The following TET1 variants were observed in gnomAD, a reference collection of about 807,000 sequenced individuals.
TET1 encodes tet methylcytosine dioxygenase 1.
A neutral mutation model predicts 148.7 loss-of-function variants in TET1; 13 were observed. The ratio of observed to expected loss-of-function variants is 0.09; its 90% CI spans 0.06 to 0.14. The LOEUF (loss-of-function observed/expected upper bound fraction) is 0.14, where lower values mean the gene tolerates loss of function less well. TET1 is among the 10% of genes least tolerant of loss of function. TET1 has a pLI of 1.00. For synonymous variants in TET1, 907 were observed against 937.2 expected (o/e 0.97, Z 0.59); for missense variants, 2,182 against 2,553.8 (o/e 0.85, Z 3.14).
intron 3 of TET1, among the ~76,000 whole-genome samples, chr10:68,627,763 C>A (rs11816072): frequency 0.33 from 48,443 of 148,662 alleles, 8,591 homozygotes; most frequent in Non-Finnish European, 0.4. Flanking sequence ...CCGTCTCTAC[C>A]AAAAAAATAA....
rs114779544 is a variant in TET1 at position 68,572,514 on chromosome 10, A to G, written c.176A>G (p.Lys59Arg). The G allele has an allele frequency of 7.8e-5, 126 of 1,613,558 alleles. No individual in the cohort carries two copies. The African/African-American group carries it at 1.4e-3, about 18-fold the overall frequency. Residue 59 changes from lysine (K) to arginine (R), a missense_variant, in exon 2 of 12, where the codon AAG becomes AGG. By Grantham distance (26) the Lys-to-Arg change is conservative (BLOSUM62 2). Around this residue, in one of 11 missense-constraint regions of TET1, gnomAD observed 665 missense variants for 672.4 expected, o/e 0.99. Transcript: ENST00000373644. ...LKQLIQERDV[K>R]KKTEPKPPVP... ...CAATTAATTCAAGAAAGAGATGTTA[A>G]GAAAAAAACAGAACCTAAACCACCC...
In TET1 at chr10:68,646,575, T is replaced by C. The variant is rs774797616; in HGVS notation, c.3846T>C (p.Tyr1282=). ...GGAAGGCATTCACTGATAAAGCTTA[T>C]AATTCTCAGGTACAGTTAACGGTGA... The part of the protein sequence containing the change: ...SNGKAFTDKA[Y]NSQVQLTVNA... The change falls in exon 4 of 12, where the codon TAT becomes TAC. Residue 1282 remains tyrosine, a synonymous_variant. Coordinates refer to ENST00000373644, the MANE Select transcript of TET1 (RefSeq NM_030625.3). 1 of 1,614,210 alleles carries C rather than the reference T, an allele frequency of 6.2e-7. No individual in the cohort carries two copies. The highest frequency in any genetic ancestry group is 8.5e-7 in the Non-Finnish European group (1 of 1,180,056).
intron 2 of TET1, among the ~76,000 whole-genome samples, chr10:68,578,461 G>A (rs111911118): frequency 0.29 from 44,194 of 151,862 alleles, 7,722 homozygotes; most frequent in Middle Eastern, 0.43. Flanking sequence ...GTTTCACCAC[G>A]TTGGCCAGCC....
intron 1 of TET1, among the ~76,000 whole-genome samples, chr10:68,569,162 G>GTTTTTTTTTTTTTTT (rs1362900985): frequency 9.0e-5 from 11 of 122,354 alleles, no homozygotes; most frequent in Non-Finnish European, 1.5e-4. Context: ...AGGCAGGAGA[G>GTTTTTTTTTTTTTTT]TTTCTTTTTT....
chr10:68,618,782 A>G (rs1258222479), intron 3 of TET1, among the ~76,000 whole-genome samples: 1 of 152,182 alleles, frequency 6.6e-6, no homozygotes, highest in Admixed American at 6.5e-5. Flanking sequence ...GTTATGAAAG[A>G]AAATGCAGAT....
chr10:68,650,016 G>A (rs914937588), intron 4 of TET1, among the ~76,000 whole-genome samples: 1 of 152,158 alleles, frequency 6.6e-6, no homozygotes, highest in Non-Finnish European at 1.5e-5. Flanking sequence ...ATCCATATCT[G>A]AGGGTAAAGA....
intron 6 of TET1, among the ~76,000 whole-genome samples, chr10:68,666,470 G>T (rs1304678695): frequency 6.6e-6 from 1 of 152,106 alleles, no homozygotes; most frequent in East Asian, 1.9e-4. Flanking sequence ...AGAGTTCTTG[G>T]TTATTTCCAT....
chr10:68,633,772 A>T (rs1050844015), intron 3 of TET1, among the ~76,000 whole-genome samples: 8 of 152,000 alleles, frequency 5.3e-5, no homozygotes, highest in African/African-American at 1.9e-4. Flanking sequence ...ACTGGCTCTT[A>T]GTCTCCCAGT....
intron 3 of TET1, among the ~76,000 whole-genome samples, chr10:68,609,599 C>T (rs1371607179): frequency 6.6e-6 from 1 of 152,120 alleles, no homozygotes; most frequent in Non-Finnish European, 1.5e-5. Flanking sequence ...ATAGTAACTC[C>T]TTTTCTGTAC....
chr10:68,669,729 A>G (rs1057110848), intron 7 of TET1, among the ~76,000 whole-genome samples: 43 of 151,084 alleles, frequency 2.8e-4, no homozygotes, highest in African/African-American at 1.0e-3. Context: ...GGCTCACTGC[A>G]ACCTCCGCCT....
intron 2 of TET1, among the ~76,000 whole-genome samples, chr10:68,587,300 C>G (rs565556432): frequency 2.4e-4 from 37 of 152,250 alleles, no homozygotes; most frequent in South Asian, 1.0e-3. Context: ...GAGGACAAGA[C>G]AGTGGAAGGC....
rs564614595 is a variant in TET1 at position 68,652,549 on chromosome 10, C to T, written c.4416C>T (p.Thr1472=). The change falls in exon 6 of 12, where the codon ACC becomes ACT. Residue 1472 remains threonine (T), a synonymous_variant. Transcript: ENST00000373644. ...NAIRIEIVVY[T]GKEGKSSHGC... is the part of the protein sequence containing the mutation. ...TAAGGATAGAAATAGTAGTGTACAC[C>T]GGTAAAGAAGGGAAAAGCTCTCATG... is the stretch of plus-strand genomic sequence containing the variant. 96 of 1,612,660 alleles carry T rather than the reference C, an allele frequency of 6.0e-5. No homozygotes were observed. The highest frequency in any genetic ancestry group is 1.6e-4 in the East Asian group (7 of 44,792).
In TET1 at chr10:68,573,103, A is replaced by T; in HGVS notation, c.765A>T (p.Arg255Ser). ...CAGTGTGTGCTCCTTTTCCCCAAAG[A>T]GCAACCCCCAAAGTTACCTCTCAAG... The part of the protein sequence containing the change: ...QDTVCAPFPQ[R>S]ATPKVTSQGN... The change falls in exon 2 of 12, where the codon AGA becomes AGT. Residue 255 changes from arginine to serine, a missense_variant. Arg to Ser is a moderately radical substitution (Grantham distance 110, BLOSUM62 -1). Coordinates refer to ENST00000373644, the MANE Select transcript of TET1 (RefSeq NM_030625.3). The T allele has an allele frequency of 6.2e-7, 1 of 1,614,100 alleles. No individual in the cohort carries two copies. Among genetic ancestry groups the T allele is most frequent in the Non-Finnish European group, 8.5e-7 (1 of 1,179,994 alleles).
At chr10:68,591,106 C>T (rs530715501) in intron 2 of TET1, among the ~76,000 whole-genome samples, 1 of 152,156 alleles carries the variant, frequency 6.6e-6, no homozygotes, top group Non-Finnish European at 1.5e-5. Flanking sequence ...CCACCTGCCT[C>T]AGCCTCCCAA....
At chr10:68,621,722 T>G (rs1321257251) in intron 3 of TET1, among the ~76,000 whole-genome samples, 1 of 152,194 alleles carries the variant, frequency 6.6e-6, no homozygotes, top group African/African-American at 2.4e-5. Context: ...GAGACTTTAA[T>G]AAAATCAAAG....
At chr10:68,583,682 G>T (rs1439437421) in intron 2 of TET1, among the ~76,000 whole-genome samples, 3 of 152,186 alleles carry the variant, frequency 2.0e-5, no homozygotes, top group Non-Finnish European at 4.4e-5. Context: ...GGAGGCCGAG[G>T]CAAGCAGATC....
intron 2 of TET1, among the ~76,000 whole-genome samples, chr10:68,582,515 TA>T (rs1482834624): frequency 1.3e-5 from 2 of 152,246 alleles, no homozygotes; most frequent in Non-Finnish European, 2.9e-5. Flanking sequence ...TTTCAGGAGC[TA>T]AAAAGTTAAG....
At chr10:68,580,917 C>T (rs1394337757) in intron 2 of TET1, among the ~76,000 whole-genome samples, 1 of 151,664 alleles carries the variant, frequency 6.6e-6, no homozygotes, top group Admixed American at 6.6e-5. Context: ...CTGCAGTGAG[C>T]TGTGATCTCT....
intron 8 of TET1, among the ~76,000 whole-genome samples, chr10:68,678,422 A>G (rs1245539146): frequency 2.0e-5 from 3 of 152,184 alleles, no homozygotes; most frequent in Non-Finnish European, 4.4e-5. Context: ...ATAGCTGTGG[A>G]TGAGGATATG....
Sources: allele counts gnomAD v4.1 joint callset (sites outside exome capture counted in the v4.1 genomes callset), GRCh38; gene constraint gnomAD v4.1.1; regional missense constraint gnomAD v4.1.1; transcripts MANE v1.5; gene names NCBI Gene and HGNC (gene_info 2026-07-23, HGNC 2026-07-21).